The following MAPK10 variants were observed in gnomAD, a reference collection of about 807,000 sequenced individuals.
MAPK10 encodes the protein JNK3 alpha protein kinase.
MAPK10 carries 25 observed loss-of-function variants against 59.3 expected under a neutral mutation model. The observed-to-expected ratio is 0.42, with a 90% CI of 0.31 to 0.59. The LOEUF (loss-of-function observed/expected upper bound fraction) is 0.59. Among genes scored for constraint, MAPK10 ranks in the 20% least tolerant of loss-of-function variants. The probability of loss-of-function intolerance (pLI) is 0.15; values close to 1 mark genes in which losing one functional copy is unlikely to be tolerated. For synonymous variants in MAPK10, 190 were observed against 200.5 expected (o/e 0.95, Z 0.44); for missense variants, 351 against 568.9 (o/e 0.62, Z 3.90).
rs190810871 is a variant in MAPK10, at chr4:86,435,852, A to G, written c.-122+17178T>C. On this transcript the variant is annotated intron_variant, in intron 1 of 13. Coordinates refer to the MAPK10 transcript ENST00000361569. ...TTATTGAGCTGAGCCAAATTCAGCTAATATTAGAAACAAAACCTTCCAGGA... is the reference window on the plus strand; with the variant it reads ...TTATTGAGCTGAGCCAAATTCAGCTGATATTAGAAACAAAACCTTCCAGGA... Among the ~76,000 whole-genome samples the G allele has an allele frequency of 4.0e-3, 604 of 152,236 alleles. 11 individuals carry two copies. Among genetic ancestry groups the G allele is most frequent in the Admixed American group, 0.034 (526 of 15,298 alleles).
chr4:86,329,356 T>G (rs17011696), intron 2 of MAPK10, among the ~76,000 whole-genome samples: 2,970 of 152,326 alleles, frequency 0.019, 79 homozygotes, highest in African/African-American at 0.067. Context: ...TAATTGGTTT[T>G]TAATTCACTG....
At chr4:86,462,468 C>T (rs909420167) in intron 1 of MAPK10, among the ~76,000 whole-genome samples, 3 of 152,120 alleles carry the variant, frequency 2.0e-5, no homozygotes, top group African/African-American at 7.2e-5. Context: ...AATCAAATTC[C>T]TGATAAACAT....
intron 2 of MAPK10, among the ~76,000 whole-genome samples, chr4:86,254,560 T>C (rs911667690): frequency 7.7e-6 from 1 of 129,328 alleles, no homozygotes; most frequent in Admixed American, 7.4e-5. Flanking sequence ...TAATTTCTGT[T>C]ATTTTACATT....
chr4:86,354,506 A>G (rs1223613983), intron 2 of MAPK10, 24 bp downstream of exon 2: 1 of 1,048,962 alleles, frequency 9.5e-7, no homozygotes, highest in Non-Finnish European at 1.2e-6. Flanking sequence ...CATGCTAAGG[A>G]ATATTTTTAA....
intron 1 of MAPK10, among the ~76,000 whole-genome samples, chr4:86,414,752 G>T (rs1053593177): frequency 1.3e-5 from 2 of 152,006 alleles, no homozygotes; most frequent in East Asian, 1.9e-4. Flanking sequence ...TTTAAGTTTT[G>T]GTTCAGGTCC....
chr4:86,297,563 G>T (rs868771618), intron 2 of MAPK10, among the ~76,000 whole-genome samples: 3 of 152,022 alleles, frequency 2.0e-5, no homozygotes, highest in African/African-American at 7.2e-5. Flanking sequence ...CACCCACCTC[G>T]GCCTCCCAAA....
At chr4:86,197,602 C>T (rs1171214815) in intron 2 of MAPK10, among the ~76,000 whole-genome samples, 1 of 152,050 alleles carries the variant, frequency 6.6e-6, no homozygotes, top group Admixed American at 6.6e-5. Flanking sequence ...GACCTATCTA[C>T]AGTGGGAAGT....
At chr4:86,247,322 C>A (rs571080404) in intron 2 of MAPK10, among the ~76,000 whole-genome samples, 15 of 152,318 alleles carry the variant, frequency 9.8e-5, no homozygotes, top group African/African-American at 3.4e-4. Flanking sequence ...ACCATATTTA[C>A]AAATCCTAAA....
intron 2 of MAPK10, among the ~76,000 whole-genome samples, chr4:86,348,975 A>G (rs571476744): frequency 6.6e-6 from 1 of 152,284 alleles, no homozygotes; most frequent in East Asian, 1.9e-4. Context: ...GACTCATTTC[A>G]TTTTATGAAA....
At chr4:86,424,382 G>A (rs1347184597) in intron 1 of MAPK10, among the ~76,000 whole-genome samples, 1 of 151,984 alleles carries the variant, frequency 6.6e-6, no homozygotes, top group Non-Finnish European at 1.5e-5. Flanking sequence ...TAGAGACAGG[G>A]TTTTACCACG....
At chr4:86,547,552 C>G (rs1759325623) in intron 1 of MAPK10, among the ~76,000 whole-genome samples, 1 of 152,198 alleles carries the variant, frequency 6.6e-6, no homozygotes, top group Non-Finnish European at 1.5e-5. Context: ...GCTCCCTGGG[C>G]TCCTGTGCCG....
At position 86,016,733 on chromosome 4, in the gene MAPK10, A is replaced by T. The variant is rs1743463106; in HGVS notation, c.*495T>A. The T allele has an allele frequency of 6.3e-6, 1 of 157,898 alleles. No individual in the cohort carries two copies. Among genetic ancestry groups the T allele is most frequent in the South Asian group, 1.9e-4 (1 of 5,336 alleles). The allele number at this position is 157,898 out of a possible 1,614,324, so 9.8% of individuals were successfully genotyped here. A position where few individuals can be genotyped will look rare whatever the true frequency, so the allele number is the denominator to read the frequency against. ...TCTTGGTAGAGCCCTGAGGACACTG[A>T]CAGTAGCATCTCTAAGTAAGTAGTG... On this transcript the variant is annotated 3_prime_UTR_variant, in exon 14 of 14. Transcript: ENST00000641462.
At chr4:86,217,976 G>A (rs1220782738) in intron 2 of MAPK10, among the ~76,000 whole-genome samples, 1 of 151,924 alleles carries the variant, frequency 6.6e-6, no homozygotes, top group Non-Finnish European at 1.5e-5. Context: ...TTATTTATAT[G>A]TATAGTCATG....
intron 2 of MAPK10, among the ~76,000 whole-genome samples, chr4:86,255,615 T>G (rs2093672474): frequency 6.6e-6 from 1 of 152,206 alleles, no homozygotes; most frequent in African/African-American, 2.4e-5. Flanking sequence ...GTATCTATAT[T>G]GAACGTTTTT....
At chr4:86,398,556 T>C (rs1292029070) in intron 1 of MAPK10, among the ~76,000 whole-genome samples, 1 of 152,216 alleles carries the variant, frequency 6.6e-6, no homozygotes, top group Non-Finnish European at 1.5e-5. Flanking sequence ...GATTCTTACT[T>C]ACCGCACATT....
intron 3 of MAPK10, among the ~76,000 whole-genome samples, chr4:86,190,512 G>T (rs1285536095): frequency 1.3e-5 from 2 of 152,114 alleles, no homozygotes; most frequent in South Asian, 4.1e-4. Context: ...ATTTTTTCTA[G>T]ATTTTCAAGT....
At chr4:86,057,842 C>A (rs565483425) in intron 11 of MAPK10, among the ~76,000 whole-genome samples, 1 of 149,952 alleles carries the variant, frequency 6.7e-6, no homozygotes, top group East Asian at 1.9e-4. Context: ...GTGAAAAGTT[C>A]TTTCCTAGTG....
chr4:86,266,018 A>G (rs1425902881), intron 2 of MAPK10, among the ~76,000 whole-genome samples: 62 of 152,314 alleles, frequency 4.1e-4, no homozygotes, highest in Non-Finnish European at 5.1e-4. Flanking sequence ...AAACAGAGAT[A>G]TGGGTATGGG....
chr4:86,380,244 A>ACAAAAACAAACAC (rs1740481623), intron 1 of MAPK10, among the ~76,000 whole-genome samples: 1 of 151,898 alleles, frequency 6.6e-6, no homozygotes, highest in Admixed American at 6.6e-5. Context: ...AAAACAAACA[A>ACAAAAACAAACAC]ACAAAAAAAA....
Sources: allele counts gnomAD v4.1 joint callset (sites outside exome capture counted in the v4.1 genomes callset), GRCh38; gene constraint gnomAD v4.1.1; transcripts MANE v1.5; gene names NCBI Gene and HGNC (gene_info 2026-07-23, HGNC 2026-07-21).